Variants in TAFA5 observed in about 807,000 individuals in gnomAD.
TAFA5 encodes the protein chemokine-like protein TAFA-5.
TAFA5 carries 6 observed loss-of-function variants against 15.3 expected under a neutral mutation model. The ratio of observed to expected loss-of-function variants is 0.39; its 90% CI spans 0.21 to 0.77. The LOEUF is 0.77. TAFA5 is among the 30% of genes least tolerant of loss of function. The pLI is 0.41. For missense variants in TAFA5, 161 were observed against 193.1 expected, an observed-to-expected ratio of 0.83 and a Z score of 0.98; for synonymous variants, 103 against 80.7, an observed-to-expected ratio of 1.28 and a Z score of -1.48.
Position 48,489,608 on chromosome 22 carries a change from A to G in TAFA5, c.16A>G (p.Arg6Gly). ...CGCGGCTTCAATGGCGCCATCGCCC[A>G]GGACCGGCAGCCGGCAAGATGCGAC... MAPSP[R>G]TGSRQDATAL... Residue 6 changes from arginine to glycine, a missense_variant, in exon 1 of 4, where the codon AGG (arginine) becomes GGG (glycine). Physicochemically the swap from Arg to Gly is moderately radical, Grantham distance 125. Transcript: ENST00000402357. This position sits in a 1 kb window ranked among gnomAD's most constrained non-coding sequence, Gnocchi z 5.5. 2.7e-6 allele frequency: 4 copies of G among 1,495,782 alleles called. No homozygotes were observed. Among genetic ancestry groups the G allele is most frequent in the South Asian group, 1.2e-5 (1 of 80,064 alleles). 92.7% of individuals were successfully genotyped at this position (1,495,782 alleles called of 1,614,324 possible).
At chr22:48,720,937 G>A (rs534790835) in intron 3 of TAFA5, among the ~76,000 whole-genome samples, 1 of 152,278 alleles carries the variant, frequency 6.6e-6, no homozygotes, top group African/African-American at 2.4e-5. Context: ...TCTTGTTCCT[G>A]CCTCAGGCCC....
intron 1 of TAFA5, among the ~76,000 whole-genome samples, chr22:48,575,770 G>C (rs1418846448): frequency 6.9e-6 from 1 of 144,272 alleles, no homozygotes; most frequent in Non-Finnish European, 1.5e-5. Flanking sequence ...GCGCAAGTTC[G>C]ATCGCCGCGG....
At chr22:48,671,559 G>A (rs1927804693) in intron 2 of TAFA5, among the ~76,000 whole-genome samples, 2 of 152,206 alleles carry the variant, frequency 1.3e-5, no homozygotes, top group African/African-American at 4.8e-5. Flanking sequence ...TGTTCTGGGA[G>A]CATGACTGTT....
At chr22:48,534,848 CTG>C (rs1209111135) in intron 1 of TAFA5, among the ~76,000 whole-genome samples, 1 of 152,118 alleles carries the variant, frequency 6.6e-6, no homozygotes, top group East Asian at 1.9e-4. Context: ...CGCTCAGCGA[CTG>C]TGGAGGCTTG....
intron 1 of TAFA5, among the ~76,000 whole-genome samples, chr22:48,645,777 CT>C (rs1926838076): frequency 6.6e-6 from 1 of 152,094 alleles, no homozygotes; most frequent in African/African-American, 2.4e-5. Flanking sequence ...ACGTGCACCC[CT>C]GGGGAGCATG....
rs757729235 is a variant in TAFA5 at position 48,713,834 on chromosome 22, C to T, written c.390+5990C>T. 2.3e-4 allele frequency among the ~76,000 whole-genome samples: 35 copies of T among 152,322 alleles called. 1 individual carries two copies. The highest frequency in any genetic ancestry group is 5.9e-4 in the Admixed American group (9 of 15,306). ...GCCCATCCCAGGAAAGGCATCTGTG[C>T]GGTAGCAAGCTCAAACCGTGAGGTC... On this transcript the variant is annotated intron_variant, in intron 3 of 3. Coordinates refer to ENST00000402357, the MANE Select transcript of TAFA5 (RefSeq NM_001082967.3).
chr22:48,696,692 C>T (rs1928723084), intron 2 of TAFA5, among the ~76,000 whole-genome samples: 2 of 152,234 alleles, frequency 1.3e-5, no homozygotes, highest in Admixed American at 1.3e-4. Flanking sequence ...CACCCCCATA[C>T]CACTGTTGCT....
chr22:48,609,096 C>T (rs953478401), intron 1 of TAFA5, among the ~76,000 whole-genome samples: 3 of 152,110 alleles, frequency 2.0e-5, no homozygotes, highest in Non-Finnish European at 4.4e-5. Flanking sequence ...TACTGTGGAG[C>T]GATGGCCCTG....
At chr22:48,638,935 G>A (rs111682639) in intron 1 of TAFA5, among the ~76,000 whole-genome samples, 144 of 4,268 alleles carry the variant, frequency 0.034, 25 homozygotes, top group Middle Eastern at 0.5. Context: ...CACCGCACAC[G>A]GGGGGACCCC....
rs527332449 is a variant in TAFA5, at chr22:48,566,590, C to T, written c.112+76886C>T. ...GGAGGTAGCAGGGGCTGCCCGGGTA[C>T]ACCTAGCTTTAGCCCAACCTCTCCT... On this transcript the variant is annotated intron_variant, in intron 1 of 3. Coordinates refer to ENST00000402357, the MANE Select transcript of TAFA5 (RefSeq NM_001082967.3). This position sits in a 1 kb window ranked among gnomAD's most constrained non-coding sequence, Gnocchi z 4.5. 6.6e-6 allele frequency among the ~76,000 whole-genome samples: 1 copy of T among 152,292 alleles called. No homozygotes were observed. The highest frequency in any genetic ancestry group is 1.9e-4 in the East Asian group (1 of 5,180).
At chr22:48,713,654 G>A (rs751134488) in intron 3 of TAFA5, among the ~76,000 whole-genome samples, 5 of 152,316 alleles carry the variant, frequency 3.3e-5, no homozygotes, top group Non-Finnish European at 5.9e-5. Context: ...GCTGAGCGTC[G>A]TCCACGGGGG....
chr22:48,586,490 G>T (rs943482920), intron 1 of TAFA5, among the ~76,000 whole-genome samples: 1 of 152,204 alleles, frequency 6.6e-6, no homozygotes, highest in African/African-American at 2.4e-5. Flanking sequence ...GGACTTCCAC[G>T]GGGGTCCCCT....
chr22:48,576,521 C>T, intron 1 of TAFA5: 2 of 1,514,490 alleles, frequency 1.3e-6, no homozygotes, highest in Non-Finnish European at 1.8e-6. Flanking sequence ...GCAGGGGCCG[C>T]GCTCTGCTGC....
intron 1 of TAFA5, among the ~76,000 whole-genome samples, chr22:48,520,587 G>C (rs1921569699): frequency 6.6e-6 from 1 of 152,346 alleles, no homozygotes; most frequent in South Asian, 2.1e-4. Context: ...TGCCATCGGG[G>C]ACTTGAGATT....
rs554124349 is a variant in TAFA5, at chr22:48,644,534, G to T, written c.113-2063G>T. Among the ~76,000 whole-genome samples the T allele has an allele frequency of 2.9e-3, 443 of 152,310 alleles. 6 individuals carry two copies. Among genetic ancestry groups the T allele is most frequent in the Non-Finnish European group, 6.9e-4 (47 of 68,034 alleles). ...CACAATCAGACACGGGCACTCCCCA[G>T]GGTTGAGGACAGTCTGAGCCGTGTT... On this transcript the variant is annotated intron_variant, in intron 1 of 3. Transcript: ENST00000402357.
chr22:48,576,256 C>G (rs1923790904), intron 1 of TAFA5: 9 of 566,108 alleles, frequency 1.6e-5, no homozygotes, highest in Middle Eastern at 5.7e-4. Flanking sequence ...CCCGCCCGCC[C>G]CCTCCGCGGC....
intron 3 of TAFA5, among the ~76,000 whole-genome samples, chr22:48,734,967 T>C (rs1321121749): frequency 2.0e-5 from 3 of 152,220 alleles, no homozygotes; most frequent in Non-Finnish European, 4.4e-5. Context: ...AGGGGAATAT[T>C]GATCTGCATG....
At chr22:48,687,285 CGGATGGAT>C (rs1464917966) in intron 2 of TAFA5, among the ~76,000 whole-genome samples, 4 of 133,102 alleles carry the variant, frequency 3.0e-5, no homozygotes, top group African/African-American at 2.9e-5. Context: ...GGATGGTGGA[CGGATGGAT>C]GGGTGGATGG....
chr22:48,599,608 C>T (rs28460239), intron 1 of TAFA5, among the ~76,000 whole-genome samples: 6,124 of 152,304 alleles, frequency 0.04, 231 homozygotes, highest in East Asian at 0.093. Context: ...GGACCCTGTG[C>T]GTGCCAGGAG....
Sources: gnomAD v4.1 joint callset for allele counts (sites outside exome capture counted in the v4.1 genomes callset) on GRCh38, gnomAD v4.1.1 for gene constraint, Gnocchi (gnomAD v3.1) non-coding constraint, MANE v1.5 for transcripts, NCBI Gene and HGNC (gene_info 2026-07-23, HGNC 2026-07-21) for gene names.